The following CLASP1 variants were observed in gnomAD, a reference collection of about 807,000 sequenced individuals.
CLASP1 encodes the protein CLIP-associating protein 1.
A neutral mutation model predicts 192.3 loss-of-function variants in CLASP1; 38 were observed. The ratio of observed to expected loss-of-function variants is 0.20; its 90% CI spans 0.15 to 0.26. The LOEUF is 0.26. CLASP1 is among the 10% of genes least tolerant of loss of function. CLASP1 has a pLI of 1.00. For synonymous variants in CLASP1, 691 were observed against 712.8 expected (o/e 0.97, Z 0.49); for missense variants, 1,433 against 1,932.5 (o/e 0.74, Z 4.85).
intron 7 of CLASP1, among the ~76,000 whole-genome samples, chr2:121,505,691 T>G (rs932318695): frequency 2.0e-5 from 3 of 152,238 alleles, no homozygotes. Flanking sequence ...TAAATTGTTT[T>G]ATTTTAAATC....
Position 121,581,512 on chromosome 2 carries a change from G to T in CLASP1, c.195+24189C>A, listed in dbSNP as rs1045090622. On this transcript the variant is annotated intron_variant, in intron 2 of 39. Coordinates refer to ENST00000263710, the Ensembl canonical transcript of CLASP1. ...GATGGTCTCGATCTCCTGACCTCAT[G>T]ATCCACCCGCCTCGGCCTCCCAAAG... Among the ~76,000 whole-genome samples, 19 of 151,964 alleles carry T rather than the reference G, an allele frequency of 1.3e-4. No homozygotes were observed. The South Asian group carries it at 2.7e-3, about 22-fold the overall frequency.
exon 40 of CLASP1, chr2:121,340,929 A>G (rs1327823585): frequency 1.2e-6 from 2 of 1,607,870 alleles, no homozygotes; most frequent in Non-Finnish European, 1.7e-6. Flanking sequence ...CTCTTTATGT[A>G]TAAGTTTAGT....
intron 2 of CLASP1, among the ~76,000 whole-genome samples, chr2:121,579,981 A>G (rs1423130100): frequency 2.0e-5 from 3 of 152,248 alleles, no homozygotes. Context: ...TATTAAATGT[A>G]GTAAGAGATT....
chr2:121,646,045 CA>C (rs762796175), intron 1 of CLASP1, among the ~76,000 whole-genome samples: 17 of 152,174 alleles, frequency 1.1e-4, no homozygotes, highest in Non-Finnish European at 2.1e-4. Flanking sequence ...TCTTACAAAC[CA>C]AAAACTGTAT....
chr2:121,485,837 T>C (rs1575375101), intron 8 of CLASP1, among the ~76,000 whole-genome samples: 1 of 152,226 alleles, frequency 6.6e-6, no homozygotes, highest in African/African-American at 2.4e-5. Flanking sequence ...GTCCTGTGCC[T>C]GGCACTGGGC....
intron 8 of CLASP1, among the ~76,000 whole-genome samples, chr2:121,484,361 T>C (rs544592905): frequency 6.6e-6 from 1 of 152,276 alleles, no homozygotes; most frequent in South Asian, 2.1e-4. Flanking sequence ...ACTGCCCACA[T>C]AATAATCACA....
intron 7 of CLASP1, among the ~76,000 whole-genome samples, chr2:121,509,681 T>C (rs2094057268): frequency 6.6e-6 from 1 of 152,048 alleles, no homozygotes. Context: ...CTACTAAAAT[T>C]ACAAAAATTA....
At chr2:121,646,899 G>C (rs1030676213) in intron 1 of CLASP1, among the ~76,000 whole-genome samples, 3 of 151,980 alleles carry the variant, frequency 2.0e-5, no homozygotes, top group Non-Finnish European at 4.4e-5. Context: ...AATTAGCCGG[G>C]CATGGTGGCG....
At chr2:121,642,207 C>T (rs2072223926) in intron 1 of CLASP1, among the ~76,000 whole-genome samples, 2 of 151,634 alleles carry the variant, frequency 1.3e-5, no homozygotes, top group South Asian at 4.2e-4. Context: ...TGCTTGAGTC[C>T]AGGAGTTTGA....
chr2:121,569,030 C>T (rs1413239944), intron 2 of CLASP1, among the ~76,000 whole-genome samples: 1 of 151,702 alleles, frequency 6.6e-6, no homozygotes, highest in East Asian at 1.9e-4. Context: ...ATGTTCAATC[C>T]CTCATTATGT....
chr2:121,559,056 T>A (rs961270449), intron 2 of CLASP1, among the ~76,000 whole-genome samples: 1 of 152,200 alleles, frequency 6.6e-6, no homozygotes, highest in African/African-American at 2.4e-5. Flanking sequence ...CAGAAAACTT[T>A]TAGAGCCACG....
At chr2:121,416,085 G>A (rs1221670790) in intron 23 of CLASP1, among the ~76,000 whole-genome samples, 2 of 152,150 alleles carry the variant, frequency 1.3e-5, no homozygotes, top group Non-Finnish European at 2.9e-5. Flanking sequence ...TATCTTGATA[G>A]TTCAGACTGA....
intron 2 of CLASP1, among the ~76,000 whole-genome samples, chr2:121,577,818 T>C (rs1221045995): frequency 6.6e-6 from 1 of 152,170 alleles, no homozygotes; most frequent in Admixed American, 6.5e-5. Flanking sequence ...TGCATGCCTG[T>C]GATCCTAGCA....
At chr2:121,384,626 A>G (rs1227361414) in intron 32 of CLASP1, among the ~76,000 whole-genome samples, 2 of 152,214 alleles carry the variant, frequency 1.3e-5, no homozygotes, top group Non-Finnish European at 2.9e-5. Context: ...AAAACAGGCC[A>G]GGTGTGGCGG....
At chr2:121,559,879 TATC>T (rs1250102568) in intron 2 of CLASP1, among the ~76,000 whole-genome samples, 1 of 149,898 alleles carries the variant, frequency 6.7e-6, no homozygotes, top group South Asian at 2.1e-4. Flanking sequence ...CCTTAATAAT[TATC>T]ATCATCATCA....
rs148722400 is a variant in CLASP1 at position 121,530,503 on chromosome 2, G to C, written c.196-178C>G. 16 of 586,518 alleles carry C rather than the reference G, an allele frequency of 2.7e-5. 1 individual carries two copies. In the Admixed American group the frequency reaches 3.9e-4, roughly 14 times the overall value. 36.3% of individuals were successfully genotyped at this position (586,518 alleles called of 1,614,324 possible). A position where few individuals can be genotyped will look rare whatever the true frequency, so the allele number is the denominator to read the frequency against. ...AGAAGGATGATCTTCCACAAAAAGA[G>C]CTATGTACAGCTATAATGGAAAATA... On this transcript the variant is annotated intron_variant, in intron 2 of 39. Transcript: ENST00000263710.
intron 37 of CLASP1, among the ~76,000 whole-genome samples, chr2:121,357,822 C>T (rs1404835771): frequency 6.6e-6 from 1 of 152,182 alleles, no homozygotes; most frequent in Non-Finnish European, 1.5e-5. Context: ...CAGGGTTCAA[C>T]CCAGGAGTGT....
chr2:121,491,440 A>G (rs755647992), intron 8 of CLASP1, among the ~76,000 whole-genome samples: 14 of 152,250 alleles, frequency 9.2e-5, no homozygotes, highest in Non-Finnish European at 1.6e-4. Flanking sequence ...CTTCAATCAA[A>G]TCCAATTAAA....
intron 37 of CLASP1, 143 bp downstream of exon 38, chr2:121,363,029 G>A: frequency 1.0e-6 from 1 of 989,306 alleles, no homozygotes; most frequent in South Asian, 1.7e-5. Flanking sequence ...CAGCAATGGG[G>A]ACTCCACTCT....
Sources: gnomAD v4.1 joint callset for allele counts (sites outside exome capture counted in the v4.1 genomes callset) on GRCh38, gnomAD v4.1.1 for gene constraint, MANE v1.5 for transcripts, NCBI Gene and HGNC (gene_info 2026-07-23, HGNC 2026-07-21) for gene names.